Variants in GBP3 observed in about 807,000 individuals in gnomAD.
GBP3 encodes guanylate binding protein 3.
A neutral mutation model predicts 62.4 loss-of-function variants in GBP3; 55 were observed. That is an observed-to-expected ratio of 0.88 (90% CI 0.71 to 1.10). GBP3 has a LOEUF of 1.10. GBP3 is among the 50% of genes least tolerant of loss of function. The pLI is 0.00. For missense variants in GBP3, 605 were observed against 690.6 expected (o/e 0.88, Z 1.39); for synonymous variants, 208 against 259.2 (o/e 0.80, Z 1.90).
intron 1 of GBP3, among the ~76,000 whole-genome samples, chr1:89,021,510 G>GCGCGCGCACACACACACACACA (rs751639388): frequency 5.3e-5 from 7 of 131,668 alleles, no homozygotes; most frequent in African/African-American, 2.1e-4. Context: ...GCGCGCGCGC[G>GCGCGCGCACACACACACACACA]CACACACACA....
rs1384144055 is a variant in GBP3, at chr1:89,015,294, A to G, written c.311T>C (p.Val104Ala). The G allele has an allele frequency of 6.2e-7, 1 of 1,605,582 alleles. No homozygotes were observed. The highest frequency in any genetic ancestry group is 8.5e-7 in the Non-Finnish European group (1 of 1,177,054). ...TGAATCTTTGACCCTTACCTTCTTT[A>G]CATCTCCCAGGCCCTCAGTGTCAAG... ...VLLDTEGLGD[V>A]KKGDNQNDSW... is the part of the protein sequence containing the mutation. Residue 104 changes from valine to alanine, a missense_variant, in exon 3 of 11, where the codon GTA becomes GCA. By Grantham distance (64) the Val-to-Ala change is moderately conservative. Coordinates refer to ENST00000370481, the MANE Select transcript of GBP3 (RefSeq NM_018284.3).
At chr1:89,019,904 T>C (rs1166581681) in intron 2 of GBP3, among the ~76,000 whole-genome samples, 2 of 152,262 alleles carry the variant, frequency 1.3e-5, no homozygotes, top group Non-Finnish European at 2.9e-5. Context: ...ATAAATTTTA[T>C]GTTTATATAT....
intron 1 of GBP3, among the ~76,000 whole-genome samples, chr1:89,021,544 ACC>A (rs57313061): frequency 3.5e-5 from 5 of 140,948 alleles, no homozygotes; most frequent in African/African-American, 1.3e-4. Context: ...ACACACACAC[ACC>A]CCAAAAAAAC....
At chr1:89,009,274 G>C in intron 9 of GBP3, 118 bp downstream of exon 9, 1 of 1,368,636 alleles carries the variant, frequency 7.3e-7, no homozygotes, top group Non-Finnish European at 1.0e-6. Context: ...GACATGTCTT[G>C]CTTTAGTTTA....
intron 6 of GBP3, among the ~76,000 whole-genome samples, chr1:89,012,701 T>C (rs1394718103): frequency 1.4e-5 from 2 of 138,774 alleles, no homozygotes; most frequent in Non-Finnish European, 3.3e-5. Context: ...GTAATAAAAC[T>C]TTTTTCCTTT....
In GBP3 at chr1:89,007,644, C is replaced by G. The variant is rs186162237; in HGVS notation, c.*80G>C. On this transcript the variant is annotated 3_prime_UTR_variant, in exon 11 of 11. Transcript: ENST00000370481. The stretch of plus-strand genomic sequence containing the variant: ...TTATGATGCAAGATCTAATTATTAT[C>G]AAATATAGTGACACTTGTTCCAAAT... The G allele has an allele frequency of 4.2e-5, 55 of 1,316,796 alleles. No individual in the cohort carries two copies. The highest frequency in any genetic ancestry group is 8.4e-5 in the Admixed American group (4 of 47,774). The allele number at this position is 1,316,796 out of a possible 1,614,324, so 81.6% of individuals were successfully genotyped here. A position where few individuals can be genotyped will look rare whatever the true frequency, so the allele number is the denominator to read the frequency against.
rs575988218 is a variant in GBP3 at position 89,015,908 on chromosome 1, A to G, written c.191-494T>C. Among the ~76,000 whole-genome samples the G allele has an allele frequency of 4.6e-5, 7 of 152,308 alleles. No homozygotes were observed. In the East Asian group the frequency reaches 1.3e-3, roughly 29 times the overall value. On this transcript the variant is annotated intron_variant, in intron 2 of 10. Coordinates refer to ENST00000370481, the MANE Select transcript of GBP3 (RefSeq NM_018284.3). Reference sequence around the variant, plus strand: ...CAAGGAAAAGATGCCCACTTTTGCCACTTCTTTTCCACAAAGTACTAGAGG... The same window carrying G: ...CAAGGAAAAGATGCCCACTTTTGCCGCTTCTTTTCCACAAAGTACTAGAGG...
intron 1 of GBP3, among the ~76,000 whole-genome samples, chr1:89,021,544 A>ACACACACACACCCCCC (rs761151308): frequency 3.3e-4 from 46 of 141,038 alleles, no homozygotes; most frequent in East Asian, 8.6e-4. Context: ...ACACACACAC[A>ACACACACACACCCCCC]CCCCAAAAAA....
In GBP3 at chr1:89,007,772, G is replaced by C; in HGVS notation, c.1740C>G (p.Thr580=). 1 of 1,611,464 alleles carries C rather than the reference G, an allele frequency of 6.2e-7. No individual in the cohort carries two copies. The highest frequency in any genetic ancestry group is 1.7e-4 in the Middle Eastern group (1 of 6,050). Residue 580 remains threonine (T), a synonymous_variant, in exon 11 of 11, where the codon ACC becomes ACG. Transcript: ENST00000370481. ...LQNEIQKLQK[T]LKKKTKRYMS... is the part of the protein sequence containing the mutation. ...TATATCTCTTGGTTTTTTTTTTCAG[G>C]GTCTTCTGTAGCTTTTGTATCTCAT... is the stretch of plus-strand genomic sequence containing the variant.
intron 1 of GBP3, among the ~76,000 whole-genome samples, chr1:89,021,136 C>A (rs1679167116): frequency 6.6e-6 from 1 of 151,760 alleles, no homozygotes; most frequent in African/African-American, 2.4e-5. Flanking sequence ...GAATAAAGAC[C>A]CCCATGAGTA....
rs562916725 is a variant in GBP3 at position 89,019,466 on chromosome 1, T to C, written c.190+1066A>G. Among the ~76,000 whole-genome samples the C allele has an allele frequency of 3.9e-5, 6 of 152,300 alleles. No homozygotes were observed. The East Asian group carries it at 1.2e-3, about 29-fold the overall frequency. ...ACCATGCCCAGCTAATTTTGTATTT[T>C]TAGTAAAGACGGGGTTTCTCCATGT... On this transcript the variant is annotated intron_variant, in intron 2 of 10. Transcript: ENST00000370481.
At chr1:89,009,368 C>T in intron 9 of GBP3, 24 bp downstream of exon 9, 3 of 1,607,690 alleles carry the variant, frequency 1.9e-6, no homozygotes, top group Non-Finnish European at 2.6e-6. Context: ...TTAGGATAAT[C>T]TGATCCTTTG....
intron 5 of GBP3, 159 bp from the exon 6 acceptor site, chr1:89,013,586 G>T: frequency 2.7e-6 from 2 of 731,286 alleles, no homozygotes; most frequent in Non-Finnish European, 4.4e-6. Flanking sequence ...GTAAATGAAT[G>T]GGCATAGCAT....
intron 3 of GBP3, among the ~76,000 whole-genome samples, chr1:89,015,029 A>G (rs1266471903): frequency 6.6e-6 from 1 of 152,156 alleles, no homozygotes; most frequent in Non-Finnish European, 1.5e-5. Flanking sequence ...TGCTCCCTTT[A>G]TGCATCTGTG....
chr1:89,013,159 G>A (rs1678668507), intron 6 of GBP3, 26 bp downstream of exon 6: 2 of 1,605,624 alleles, frequency 1.2e-6, no homozygotes, highest in East Asian at 2.2e-5. Flanking sequence ...TTAACAATGA[G>A]TGGAAGTACT....
Position 89,009,148 on chromosome 1 carries a change from G to A in GBP3, c.1466-8C>T. The A allele has an allele frequency of 1.2e-6, 2 of 1,612,600 alleles. No homozygotes were observed. The highest frequency in any genetic ancestry group is 2.7e-5 in the African/African-American group (2 of 74,936). On this transcript the variant is annotated splice_polypyrimidine_tract_variant and splice_region_variant and intron_variant, in intron 9 of 10. Transcript: ENST00000370481. ...CAGCTTTTACACATTCCACTGTGGA[G>A]GAAGAAGAAACATTTGTGTGGAGTT...
chr1:89,014,050 C>A (rs909808264), intron 5 of GBP3, 33 bp downstream of exon 5: 1 of 1,596,084 alleles, frequency 6.3e-7, no homozygotes, highest in East Asian at 2.2e-5. Flanking sequence ...AGTGTTTTGT[C>A]GTCCTCATTT....
At chr1:89,021,930 C>T (rs1679258702) in intron 1 of GBP3, among the ~76,000 whole-genome samples, 1 of 151,032 alleles carries the variant, frequency 6.6e-6, no homozygotes, top group African/African-American at 2.4e-5. Context: ...GGATCTAAGT[C>T]GTCTGAGTGC....
chr1:89,021,788 TGAGAGAGAGAGAGAGAGAGAGAGAGAGA>T (rs146229731), intron 1 of GBP3, among the ~76,000 whole-genome samples: 2 of 65,312 alleles, frequency 3.1e-5, no homozygotes, highest in Admixed American at 2.2e-4. Flanking sequence ...GCTGGAAAGA[TGAGAGAGAGAGAGAGAGAGAGAGAGAGA>T]GAGAGAGAGA....
Sources: allele counts gnomAD v4.1 joint callset (sites outside exome capture counted in the v4.1 genomes callset), GRCh38; gene constraint gnomAD v4.1.1; transcripts MANE v1.5; gene names NCBI Gene and HGNC (gene_info 2026-07-23, HGNC 2026-07-21).